The following FCHO2 variants were observed in gnomAD, a reference collection of about 807,000 sequenced individuals.
The protein encoded by FCHO2 is F-BAR domain only protein 2.
A neutral mutation model predicts 114.1 loss-of-function variants in FCHO2; 43 were observed. That is an observed-to-expected ratio of 0.38 (90% CI 0.30 to 0.49). FCHO2 has a LOEUF of 0.49. Ranked by LOEUF, FCHO2 falls within the 20% of genes least tolerant of loss-of-function variation. FCHO2 has a pLI of 0.97. For synonymous variants in FCHO2, 293 were observed against 315.2 expected, an observed-to-expected ratio of 0.93 and a Z score of 0.75; for missense variants, 807 against 950.4, an observed-to-expected ratio of 0.85 and a Z score of 1.98.
intron 2 of FCHO2, among the ~76,000 whole-genome samples, chr5:72,981,367 G>T (rs1487990505): frequency 2.0e-5 from 3 of 152,132 alleles, no homozygotes; most frequent in Non-Finnish European, 4.4e-5. Context: ...CTCTCTGGCT[G>T]CCCTTAACAT....
intron 24 of FCHO2, 28 bp downstream of exon 24, chr5:73,082,853 T>C: frequency 6.5e-7 from 1 of 1,529,654 alleles, no homozygotes; most frequent in Non-Finnish European, 8.8e-7. Context: ...TTTTTATTTA[T>C]AAAATGATGT....
At chr5:73,037,872 AC>A in intron 10 of FCHO2, 1 of 318,352 alleles carries the variant, frequency 3.1e-6, no homozygotes. Flanking sequence ...TTCTCCTCCT[AC>A]CTCAGCCTCC....
chr5:72,997,122 T>C (rs1754161479), intron 5 of FCHO2: 1 of 1,141,350 alleles, frequency 8.8e-7, no homozygotes, highest in Non-Finnish European at 1.3e-6. Flanking sequence ...CCGGATGAGA[T>C]ACTTATTCAC....
At chr5:72,968,085 C>T (rs552577914) in intron 1 of FCHO2, among the ~76,000 whole-genome samples, 35 of 152,020 alleles carry the variant, frequency 2.3e-4, no homozygotes, top group African/African-American at 2.4e-4. Context: ...CCACCACGCC[C>T]GGCTAATTTT....
Position 73,073,755 on chromosome 5 carries a change from G to A in FCHO2, c.1580-987G>A, listed in dbSNP as rs148572674. 1.1e-4 allele frequency among the ~76,000 whole-genome samples: 17 copies of A among 152,110 alleles called. No individual in the cohort carries two copies. The East Asian group carries it at 2.9e-3, about 26-fold the overall frequency. On this transcript the variant is annotated intron_variant, in intron 19 of 25. Transcript: ENST00000430046. ...AATTCATTGTTTCACTACAGGAGTCGCATCTGAAATAAAAATGTCTGATGG... is the reference window on the plus strand; with the variant it reads ...AATTCATTGTTTCACTACAGGAGTCACATCTGAAATAAAAATGTCTGATGG...
intron 5 of FCHO2, among the ~76,000 whole-genome samples, chr5:73,001,535 ATTTC>A (rs1754439087): frequency 6.7e-6 from 1 of 149,062 alleles, no homozygotes; most frequent in South Asian, 2.1e-4. Flanking sequence ...ATGCTTCTCT[ATTTC>A]TTTTTTCTTT....
At chr5:73,029,679 C>T (rs2112782408) in intron 8 of FCHO2, among the ~76,000 whole-genome samples, 1 of 152,232 alleles carries the variant, frequency 6.6e-6, no homozygotes, top group Non-Finnish European at 1.5e-5. Context: ...CCTTAGGAAA[C>T]TTAAAATCAT....
chr5:72,956,164 A>C, intron 1 of FCHO2, 35 bp downstream of exon 1: 1 of 1,528,534 alleles, frequency 6.5e-7, no homozygotes. Flanking sequence ...TGTGTTTCGA[A>C]GTCCAAGGCT....
At chr5:73,006,692 A>G (rs1423142294) in intron 6 of FCHO2, 143 bp downstream of exon 6, 15 of 578,512 alleles carry the variant, frequency 2.6e-5, no homozygotes, top group Non-Finnish European at 4.0e-5. Flanking sequence ...TTAAAAATAC[A>G]TGTCGCGTTT....
chr5:72,989,159 A>G (rs537564036), intron 2 of FCHO2, among the ~76,000 whole-genome samples: 1 of 152,320 alleles, frequency 6.6e-6, no homozygotes, highest in Non-Finnish European at 1.5e-5. Flanking sequence ...GCAGTGAGCT[A>G]TGATCATACC....
At chr5:73,060,124 TAA>T (rs1290875656) in intron 17 of FCHO2, among the ~76,000 whole-genome samples, 1 of 152,028 alleles carries the variant, frequency 6.6e-6, no homozygotes, top group Non-Finnish European at 1.5e-5. Flanking sequence ...GCTCCCTGTC[TAA>T]AGAGTGTTTG....
intron 1 of FCHO2, among the ~76,000 whole-genome samples, chr5:72,962,079 A>T (rs1439567516): frequency 6.6e-6 from 1 of 152,240 alleles, no homozygotes; most frequent in Non-Finnish European, 1.5e-5. Context: ...GACAGTAGAC[A>T]TTATAAAATT....
intron 8 of FCHO2, among the ~76,000 whole-genome samples, chr5:73,027,382 T>TC (rs1755995357): frequency 6.6e-6 from 1 of 151,650 alleles, no homozygotes; most frequent in Non-Finnish European, 1.5e-5. Flanking sequence ...TTTTTTTTTT[T>TC]CCGGTGTTTT....
At chr5:72,971,798 T>C (rs552039918) in intron 2 of FCHO2, among the ~76,000 whole-genome samples, 3 of 152,340 alleles carry the variant, frequency 2.0e-5, no homozygotes, top group African/African-American at 7.2e-5. Flanking sequence ...TGAATAGTAA[T>C]GCCTAGGTTT....
At chr5:73,056,431 T>G (rs1757597433) in intron 16 of FCHO2, among the ~76,000 whole-genome samples, 1 of 152,212 alleles carries the variant, frequency 6.6e-6, no homozygotes, top group Admixed American at 6.6e-5. Context: ...AAATCTTCTG[T>G]GCTCCACCTT....
In FCHO2 at chr5:72,963,622, C is replaced by T. The variant is rs137900698; in HGVS notation, c.34-4876C>T. ...CAGTGGCCCCATCACCATCATAGCT[C>T]ACTGCAGCCTTGAACTCCTGGGCTC... On this transcript the variant is annotated intron_variant, in intron 1 of 25. Coordinates refer to ENST00000430046, the MANE Select transcript of FCHO2 (RefSeq NM_138782.3). Among the ~76,000 whole-genome samples the T allele has an allele frequency of 5.6e-3, 851 of 152,136 alleles. 14 individuals carry two copies. The highest frequency in any genetic ancestry group is 0.02 in the African/African-American group (810 of 41,494).
intron 9 of FCHO2, among the ~76,000 whole-genome samples, chr5:73,035,899 A>T (rs926086317): frequency 1.2e-4 from 18 of 152,072 alleles, no homozygotes; most frequent in Admixed American, 1.1e-3. Flanking sequence ...GCTGGAGTGC[A>T]CTGGCGTGAT....
At chr5:72,978,158 T>G (rs1485325981) in intron 2 of FCHO2, among the ~76,000 whole-genome samples, 1 of 152,184 alleles carries the variant, frequency 6.6e-6, no homozygotes, top group Non-Finnish European at 1.5e-5. Context: ...AGTCAATGAT[T>G]GCTTGATGAG....
At chr5:73,027,978 C>T (rs1756031460) in intron 8 of FCHO2, among the ~76,000 whole-genome samples, 1 of 152,022 alleles carries the variant, frequency 6.6e-6, no homozygotes, top group South Asian at 2.1e-4. Context: ...TGTGTGGATT[C>T]CTTGAGCCCA....
Sources: allele counts gnomAD v4.1 joint callset (sites outside exome capture counted in the v4.1 genomes callset), GRCh38; gene constraint gnomAD v4.1.1; transcripts MANE v1.5; gene names NCBI Gene and HGNC (gene_info 2026-07-23, HGNC 2026-07-21).